PDGFRA: variants seen among roughly 807,000 people sequenced by gnomAD.
The protein encoded by PDGFRA is platelet-derived growth factor receptor alpha.
In PDGFRA, 25 loss-of-function variants were observed where a neutral mutation model predicts 121.5. The ratio of observed to expected loss-of-function variants is 0.21; its 90% CI spans 0.15 to 0.29. The LOEUF is 0.29. Among genes scored for constraint, PDGFRA ranks in the 10% least tolerant of loss-of-function variants. The pLI is 1.00. For missense variants in PDGFRA, 1,008 were observed against 1,345.1 expected (o/e 0.75, Z 3.92); for synonymous variants, 463 against 494.8 (o/e 0.94, Z 0.85).
In PDGFRA at chr4:54,273,712, C is replaced by T. The variant is rs1723545365; in HGVS notation, c.1540C>T (p.Leu514=). ...TCTCCTTGGAGCTGAGAACCGAGAG[C>T]TGAAGCTGGTGGCTCCCAGTGAGTT... The part of the protein sequence containing the change: ...KNLLGAENRE[L]KLVAPTLRSE... The change falls in exon 10 of 23, where the codon CTG becomes TTG. Residue 514 remains leucine (L), a synonymous_variant. Transcript: ENST00000257290. 6.2e-7 allele frequency: 1 copy of T among 1,613,440 alleles called. No individual in the cohort carries two copies. Among genetic ancestry groups the T allele is most frequent in the Non-Finnish European group, 8.5e-7 (1 of 1,179,976 alleles).
At chr4:54,268,662 T>C (rs1169560481) in intron 7 of PDGFRA, among the ~76,000 whole-genome samples, 1 of 151,220 alleles carries the variant, frequency 6.6e-6, no homozygotes, top group Non-Finnish European at 1.5e-5. Context: ...GAAAATGGAA[T>C]TTTACAGCCT....
At chr4:54,278,710 G>A (rs1577732606) in intron 15 of PDGFRA, 195 bp downstream of exon 15, 7 of 667,436 alleles carry the variant, frequency 1.0e-5, no homozygotes, top group South Asian at 8.0e-5. Context: ...TTGGACTGGG[G>A]TGTCACATGG....
In PDGFRA at chr4:54,261,353, A is replaced by G. The variant is rs1004486437; in HGVS notation, c.308A>G (p.Asn103Ser). ...ACAGGGTTGTACACTTGCTATTACA[A>G]CCACACTCAGACAGAAGAGAATGAG... The part of the protein sequence containing the change: ...AHTGLYTCYY[N>S]HTQTEENELE... The change falls in exon 3 of 23, where the codon AAC becomes AGC. Residue 103 changes from asparagine (N) to serine (S), a missense_variant. Asn to Ser is a conservative substitution (Grantham distance 46, BLOSUM62 1). Transcript: ENST00000257290. 2 of 1,613,962 alleles carry G rather than the reference A, an allele frequency of 1.2e-6. No individual in the cohort carries two copies. Among genetic ancestry groups the G allele is most frequent in the East Asian group, 4.5e-5 (2 of 44,882 alleles).
intron 15 of PDGFRA, chr4:54,278,942 A>C: frequency 2.3e-6 from 1 of 441,834 alleles, no homozygotes; most frequent in Non-Finnish European, 4.6e-6. Context: ...TACTGCAGAA[A>C]TCTACAAGTG....
intron 5 of PDGFRA, 187 bp downstream of exon 5, chr4:54,265,236 A>C: frequency 3.2e-6 from 2 of 633,988 alleles, no homozygotes; most frequent in East Asian, 6.0e-5. Context: ...GAGAGTTTGA[A>C]ATGATAGTTC....
At chr4:54,234,476 G>A (rs937429796) in intron 1 of PDGFRA, among the ~76,000 whole-genome samples, 2 of 152,214 alleles carry the variant, frequency 1.3e-5, no homozygotes, top group African/African-American at 4.8e-5. Flanking sequence ...GTGAGAATGG[G>A]CTTCGCGGAG....
chr4:54,275,020 A>G (rs1177109848), intron 12 of PDGFRA, 47 bp downstream of exon 12: 29 of 1,604,900 alleles, frequency 1.8e-5, no homozygotes, highest in Non-Finnish European at 2.3e-5. Flanking sequence ...TCCCTTGCAC[A>G]CAACTTTACA....
chr4:54,274,817 G>A (rs771130998), intron 11 of PDGFRA, 24 bp from the exon 12 acceptor site: 10 of 1,613,926 alleles, frequency 6.2e-6, no homozygotes, highest in African/African-American at 2.7e-5. Flanking sequence ...TAATTCACCA[G>A]TTACCTGTCC....
chr4:54,229,354 C>T lies in PDGFRA; in HGVS notation c.-74C>T, dbSNP rs1720532158. Reference sequence around the variant, plus strand: ...GAGACTGCAAGAGATCATTGGAGGCCGTGGGCACGCTCTTTACTCCATGTG... The same window carrying T: ...GAGACTGCAAGAGATCATTGGAGGCTGTGGGCACGCTCTTTACTCCATGTG... On this transcript the variant is annotated 5_prime_UTR_variant, in exon 1 of 23. Coordinates refer to ENST00000257290, the MANE Select transcript of PDGFRA (RefSeq NM_006206.6). 2 of 398,488 alleles carry T rather than the reference C, an allele frequency of 5.0e-6. No homozygotes were observed. The highest frequency in any genetic ancestry group is 7.1e-5 in the East Asian group (2 of 28,076). 24.7% of individuals were successfully genotyped at this position (398,488 alleles called of 1,614,324 possible). A position where few individuals can be genotyped will look rare whatever the true frequency, so the allele number is the denominator to read the frequency against.
In PDGFRA at chr4:54,295,308, C is replaced by T. The variant is rs1724832585; in HGVS notation, c.*36C>T. The T allele has an allele frequency of 6.2e-7, 1 of 1,609,520 alleles. No individual in the cohort carries two copies. Among genetic ancestry groups the T allele is most frequent in the East Asian group, 2.2e-5 (1 of 44,858 alleles). ...CGAGGGGTTCCTTCCACTTCTGGGG[C>T]CACCTCTGGATCCCGTTCAGAAAAC... On this transcript the variant is annotated 3_prime_UTR_variant, in exon 23 of 23. Transcript: ENST00000257290.
At chr4:54,294,486 T>G (rs2110357087) in intron 22 of PDGFRA, among the ~76,000 whole-genome samples, 1 of 152,240 alleles carries the variant, frequency 6.6e-6, no homozygotes, top group Admixed American at 6.5e-5. Context: ...TCAGTTGAAG[T>G]TCACGTTCAA....
chr4:54,276,680 G>T (rs1723744361), intron 12 of PDGFRA: 1 of 152,648 alleles, frequency 6.6e-6, no homozygotes, highest in Non-Finnish European at 1.5e-5. Flanking sequence ...GCAGTAAGAG[G>T]CAGTGTTGGC....
At chr4:54,289,276 A>G (rs1036459800) in intron 21 of PDGFRA, among the ~76,000 whole-genome samples, 162 bp downstream of exon 21, 4 of 152,200 alleles carry the variant, frequency 2.6e-5, no homozygotes, top group African/African-American at 9.6e-5. Context: ...CCCTAGTAGC[A>G]ATGATGAATG....
At chr4:54,240,528 T>C (rs6554164) in intron 1 of PDGFRA, among the ~76,000 whole-genome samples, 51,748 of 152,130 alleles carry the variant, frequency 0.34, 10,958 homozygotes, top group African/African-American at 0.6. Context: ...AAATCTTGGT[T>C]TTGCCTTTTC....
chr4:54,261,340 A>G lies in PDGFRA; in HGVS notation c.295A>G (p.Thr99Ala), dbSNP rs1265201159. The G allele has an allele frequency of 2.5e-6, 4 of 1,614,012 alleles. No individual in the cohort carries two copies. Among genetic ancestry groups the G allele is most frequent in the East Asian group, 2.2e-5 (1 of 44,864 alleles). The stretch of plus-strand genomic sequence containing the variant: ...CTCGGCGGCCCACACAGGGTTGTAC[A>G]CTTGCTATTACAACCACACTCAGAC... ...SASAAHTGLY[T>A]CYYNHTQTEE... Residue 99 changes from threonine to alanine, a missense_variant, in exon 3 of 23, where the codon ACT (threonine) becomes GCT (alanine). Coordinates refer to ENST00000257290, the MANE Select transcript of PDGFRA (RefSeq NM_006206.6).
chr4:54,266,401 T>C (rs1476044840), intron 5 of PDGFRA, among the ~76,000 whole-genome samples: 1 of 145,848 alleles, frequency 6.9e-6, no homozygotes, highest in African/African-American at 2.5e-5. Flanking sequence ...TTCTTTTTTT[T>C]TTCTTTTTTC....
chr4:54,266,411 C>CA (rs1553903101), intron 5 of PDGFRA, among the ~76,000 whole-genome samples: 1 of 130,546 alleles, frequency 7.7e-6, no homozygotes, highest in Non-Finnish European at 1.7e-5. Context: ...TTTCTTTTTT[C>CA]TTTTTTTTTT....
At chr4:54,269,326 A>T (rs1338317753) in intron 7 of PDGFRA, among the ~76,000 whole-genome samples, 1 of 152,134 alleles carries the variant, frequency 6.6e-6, no homozygotes, top group Non-Finnish European at 1.5e-5. Flanking sequence ...ACTCTGTGCT[A>T]TGTGTACAAT....
At chr4:54,268,629 T>C (rs912575506) in intron 7 of PDGFRA, among the ~76,000 whole-genome samples, 1 of 152,164 alleles carries the variant, frequency 6.6e-6, no homozygotes, top group African/African-American at 2.4e-5. Context: ...AAATTCCACG[T>C]GTAATTGAGA....
Sources: allele counts gnomAD v4.1 joint callset (sites outside exome capture counted in the v4.1 genomes callset), GRCh38; gene constraint gnomAD v4.1.1; transcripts MANE v1.5; gene names NCBI Gene and HGNC (gene_info 2026-07-23, HGNC 2026-07-21).